Variants in SYNPR observed in about 807,000 individuals in gnomAD.
The protein encoded by SYNPR is synaptoporin.
SYNPR carries 23 observed loss-of-function variants against 32.9 expected under a neutral mutation model. The ratio of observed to expected loss-of-function variants is 0.70; its 90% CI spans 0.50 to 0.99. SYNPR has a LOEUF of 0.99. SYNPR is among the 50% of genes least tolerant of loss of function. The pLI is 0.00. For synonymous variants in SYNPR, 146 were observed against 135.9 expected, an observed-to-expected ratio of 1.07 and a Z score of -0.52; for missense variants, 318 against 349.3, an observed-to-expected ratio of 0.91 and a Z score of 0.71.
chr3:63,280,707 TC>T (rs370762365), intron 2 of SYNPR, among the ~76,000 whole-genome samples: 7,186 of 147,384 alleles, frequency 0.049, 237 homozygotes, highest in Middle Eastern at 0.097. Context: ...GTTTTATAGC[TC>T]CCCCCCTTGG....
At chr3:63,513,650 G>A (rs1701738527) in intron 3 of SYNPR, among the ~76,000 whole-genome samples, 1 of 152,086 alleles carries the variant, frequency 6.6e-6, no homozygotes, top group African/African-American at 2.4e-5. Flanking sequence ...GGAGAATAGA[G>A]CCAAAACTGG....
Position 63,575,423 on chromosome 3 carries a change from T to G in SYNPR, c.408+18682T>G, listed in dbSNP as rs141317130. 2.5e-3 allele frequency among the ~76,000 whole-genome samples: 388 copies of G among 152,220 alleles called. 4 individuals are homozygous for G. The highest frequency in any genetic ancestry group is 8.9e-3 in the African/African-American group (371 of 41,542). On this transcript the variant is annotated intron_variant, in intron 4 of 5. Coordinates refer to ENST00000478300, the MANE Select transcript of SYNPR (RefSeq NM_001130003.2). ...GATGTGGCACACTCTCAGCTCCTAT[T>G]CCCACATCCATTAGCCCCCCTCAGT...
chr3:63,455,823 C>T (rs1700472491), intron 2 of SYNPR, among the ~76,000 whole-genome samples: 2 of 148,458 alleles, frequency 1.3e-5, no homozygotes, highest in African/African-American at 5.1e-5. Context: ...ATGTCAACTG[C>T]TTTATCCTGT....
At chr3:63,586,570 A>T (rs956905857) in intron 4 of SYNPR, among the ~76,000 whole-genome samples, 1 of 151,868 alleles carries the variant, frequency 6.6e-6, no homozygotes, top group South Asian at 2.1e-4. Context: ...TTTAAGAAAC[A>T]TGCCGATATT....
At chr3:63,545,241 T>G (rs1702379738) in intron 3 of SYNPR, among the ~76,000 whole-genome samples, 1 of 152,050 alleles carries the variant, frequency 6.6e-6, no homozygotes, top group East Asian at 1.9e-4. Context: ...AAATGTAAAA[T>G]AGTCTCAATG....
chr3:63,363,275 T>G (rs910448928), intron 2 of SYNPR, among the ~76,000 whole-genome samples: 2 of 152,180 alleles, frequency 1.3e-5, no homozygotes, highest in African/African-American at 4.8e-5. Context: ...TAGGGAAGAT[T>G]TCAGAAAAAA....
rs1451193201 is a variant in SYNPR at position 63,615,394 on chromosome 3, G to A, written c.771G>A (p.Gly257=). Residue 257 remains glycine, a synonymous_variant, in exon 6 of 6, where the codon GGG becomes GGA. Transcript: ENST00000478300. ...AAGACAGCTATGGATCAAGCAGTGG[G>A]TACAGTCAGCAGGCGAGTTTGGGGC... ...YNQDSYGSSS[G]YSQQASLGPT... is the part of the protein sequence containing the mutation. 1.9e-6 allele frequency: 3 copies of A among 1,613,956 alleles called. No homozygotes were observed. The highest frequency in any genetic ancestry group is 1.1e-5 in the South Asian group (1 of 91,066).
At chr3:63,205,281 C>T in the SYNPR span, among the ~76,000 whole-genome samples, 1 of 152,196 alleles carries the variant, frequency 6.6e-6, no homozygotes, top group Non-Finnish European at 1.5e-5. Flanking sequence ...AAAATGATCC[C>T]TTAATATTTT....
At chr3:63,581,287 C>A (rs1449852268) in intron 4 of SYNPR, among the ~76,000 whole-genome samples, 1 of 147,406 alleles carries the variant, frequency 6.8e-6, no homozygotes, top group African/African-American at 2.5e-5. Context: ...TGAAACCCTT[C>A]GGGAAGGTTG....
chr3:63,396,867 G>A (rs1575623449), intron 2 of SYNPR, among the ~76,000 whole-genome samples: 1 of 152,278 alleles, frequency 6.6e-6, no homozygotes, highest in East Asian at 1.9e-4. Context: ...CACTTTGGAA[G>A]GCCGAGGCGG....
In SYNPR at chr3:63,595,819, TTA is replaced by T. The variant is rs532988481; in HGVS notation, c.409-13295_409-13294del. On this transcript the variant is annotated intron_variant, in intron 4 of 5. Coordinates refer to ENST00000478300, the MANE Select transcript of SYNPR (RefSeq NM_001130003.2). ...TATATAGTTATATATATATATAGTT[TTA>T]TATATATATAGTTATATATATAGTT... is the stretch of plus-strand genomic sequence containing the variant. Among the ~76,000 whole-genome samples, 66 of 59,738 alleles carry T rather than the reference TTA, an allele frequency of 1.1e-3. 1 individual carries two copies. Among genetic ancestry groups the T allele is most frequent in the South Asian group, 3.5e-3 (7 of 2,018 alleles). 39.2% of individuals were successfully genotyped at this position (59,738 alleles called of 152,430 possible). A position where few individuals can be genotyped will look rare whatever the true frequency, so the allele number is the denominator to read the frequency against.
chr3:63,527,774 C>A (rs534369075), intron 3 of SYNPR, among the ~76,000 whole-genome samples: 1 of 152,126 alleles, frequency 6.6e-6, no homozygotes, highest in African/African-American at 2.4e-5. Flanking sequence ...TTTGCGTGGC[C>A]TTATGCTATT....
intron 1 of SYNPR, among the ~76,000 whole-genome samples, chr3:63,247,443 G>A (rs535183018): frequency 3.3e-5 from 5 of 152,112 alleles, no homozygotes; most frequent in Admixed American, 3.3e-4. Context: ...TTCTGGTAAG[G>A]ATAAGGAAGA....
intron 3 of SYNPR, among the ~76,000 whole-genome samples, chr3:63,483,591 C>T (rs559324184): frequency 1.3e-5 from 2 of 152,216 alleles, no homozygotes; most frequent in Admixed American, 6.5e-5. Context: ...TTAAAATACA[C>T]ATATGATACC....
intron 3 of SYNPR, among the ~76,000 whole-genome samples, chr3:63,531,994 T>C (rs1277221554): frequency 6.6e-6 from 1 of 152,210 alleles, no homozygotes; most frequent in East Asian, 1.9e-4. Flanking sequence ...AATGCATTCA[T>C]TCACATAGCA....
At chr3:63,205,736 A>G in the SYNPR span, among the ~76,000 whole-genome samples, 2 of 152,248 alleles carry the variant, frequency 1.3e-5, no homozygotes, top group Non-Finnish European at 2.9e-5. Context: ...TCATATTTTC[A>G]TAACCTGTAC....
At chr3:63,361,422 A>G (rs982522952) in intron 2 of SYNPR, among the ~76,000 whole-genome samples, 28 of 152,054 alleles carry the variant, frequency 1.8e-4, no homozygotes, top group African/African-American at 6.5e-4. Context: ...GTGAAACCCC[A>G]TCTCTACTAA....
intron 1 of SYNPR, among the ~76,000 whole-genome samples, chr3:63,230,648 A>C (rs2086159675): frequency 1.3e-5 from 2 of 152,166 alleles, no homozygotes; most frequent in Non-Finnish European, 1.5e-5. Context: ...GACTTTGCCT[A>C]CCGGGATTTG....
chr3:63,473,704 G>A (rs925818310), intron 2 of SYNPR, among the ~76,000 whole-genome samples: 1 of 152,132 alleles, frequency 6.6e-6, no homozygotes, highest in Non-Finnish European at 1.5e-5. Flanking sequence ...GAAAGGATGA[G>A]AAGAAACCCT....
Sources: allele counts gnomAD v4.1 joint callset (sites outside exome capture counted in the v4.1 genomes callset), GRCh38; gene constraint gnomAD v4.1.1; transcripts MANE v1.5; gene names NCBI Gene and HGNC (gene_info 2026-07-23, HGNC 2026-07-21).